MPP7: variants seen among roughly 807,000 people sequenced by gnomAD.
MPP7 encodes MAGUK p55 scaffold protein 7.
Under a neutral mutation model 76.5 loss-of-function variants are expected in MPP7, and 60 were observed. That is an observed-to-expected ratio of 0.78 (90% CI 0.64 to 0.97). MPP7 has a LOEUF of 0.97. Ranked by LOEUF, MPP7 falls within the 50% of genes least tolerant of loss-of-function variation. The probability of loss-of-function intolerance (pLI) is 0.00; values close to 1 mark genes in which losing one functional copy is unlikely to be tolerated. For missense variants in MPP7, 641 were observed against 694.0 expected, an observed-to-expected ratio of 0.92 and a Z score of 0.86; for synonymous variants, 237 against 244.5, an observed-to-expected ratio of 0.97 and a Z score of 0.29.
At chr10:28,118,893 T>C (rs1044684775) in intron 11 of MPP7, 1 of 985,312 alleles carries the variant, frequency 1.0e-6, no homozygotes, top group Non-Finnish European at 1.2e-6. Context: ...TATTTGGTCA[T>C]TTCGCTGTTT....
intron 15 of MPP7, 59 bp downstream of exon 15, chr10:28,058,436 A>G (rs1195400397): frequency 7.0e-6 from 6 of 857,950 alleles, no homozygotes; most frequent in Admixed American, 5.1e-5. Flanking sequence ...AAATGCTCAC[A>G]TGAGGTGCTG....
intron 2 of MPP7, among the ~76,000 whole-genome samples, chr10:28,212,750 T>C (rs564583231): frequency 2.0e-5 from 3 of 152,234 alleles, no homozygotes; most frequent in African/African-American, 7.2e-5. Context: ...CAAGGAAGAA[T>C]GAACCATCCA....
At chr10:28,235,269 C>A (rs1369222014) in intron 2 of MPP7, among the ~76,000 whole-genome samples, 2 of 152,010 alleles carry the variant, frequency 1.3e-5, no homozygotes, top group African/African-American at 4.8e-5. Flanking sequence ...TAATAATAAT[C>A]ATGTATCAAT....
At chr10:28,220,958 G>A (rs1053822546) in intron 2 of MPP7, among the ~76,000 whole-genome samples, 2 of 152,104 alleles carry the variant, frequency 1.3e-5, no homozygotes, top group Non-Finnish European at 2.9e-5. Context: ...TTAAGTGAAA[G>A]GAAGGCTCTT....
chr10:28,294,050 G>GT (rs1840983987), intron 1 of MPP7, among the ~76,000 whole-genome samples: 2 of 152,234 alleles, frequency 1.3e-5, no homozygotes, highest in Non-Finnish European at 2.9e-5. Context: ...GCTCACGCCT[G>GT]TAATACCAGC....
chr10:28,133,671 T>G (rs1026291590), intron 5 of MPP7, among the ~76,000 whole-genome samples: 1 of 152,110 alleles, frequency 6.6e-6, no homozygotes, highest in African/African-American at 2.4e-5. Context: ...AAAATGAATA[T>G]GCCCAAATAA....
chr10:28,127,459 G>A (rs66764206), intron 6 of MPP7, among the ~76,000 whole-genome samples: 12,407 of 152,214 alleles, frequency 0.082, 709 homozygotes, highest in African/African-American at 0.15. Context: ...TGAAAGGAAG[G>A]TTTAATGGAC....
At chr10:28,232,833 T>C (rs1838934532) in intron 2 of MPP7, among the ~76,000 whole-genome samples, 1 of 152,202 alleles carries the variant, frequency 6.6e-6, no homozygotes, top group African/African-American at 2.4e-5. Flanking sequence ...ATTTTTGACC[T>C]AGGTGGATGA....
intron 15 of MPP7, chr10:28,057,697 C>T: frequency 7.9e-7 from 1 of 1,258,408 alleles, no homozygotes; most frequent in Non-Finnish European, 1.0e-6. Context: ...AACACAGTGC[C>T]CAAGTCAGGA....
chr10:28,091,793 T>C (rs1376272159), intron 11 of MPP7, among the ~76,000 whole-genome samples: 1 of 152,210 alleles, frequency 6.6e-6, no homozygotes, highest in Non-Finnish European at 1.5e-5. Context: ...ATTGAGACTT[T>C]TGTCCTTGTC....
At chr10:28,233,835 G>C (rs1304170749) in intron 2 of MPP7, among the ~76,000 whole-genome samples, 1 of 151,652 alleles carries the variant, frequency 6.6e-6, no homozygotes, top group Non-Finnish European at 1.5e-5. Context: ...TCAGGAGTTT[G>C]AGACCAGCCT....
At chr10:28,165,689 C>G (rs970731415) in intron 3 of MPP7, among the ~76,000 whole-genome samples, 2 of 152,116 alleles carry the variant, frequency 1.3e-5, no homozygotes, top group Non-Finnish European at 2.9e-5. Flanking sequence ...TTGATAAGCA[C>G]TGACTCCTGT....
intron 2 of MPP7, among the ~76,000 whole-genome samples, chr10:28,218,778 A>AT (rs976256970): frequency 5.3e-5 from 8 of 152,054 alleles, no homozygotes; most frequent in African/African-American, 1.9e-4. Flanking sequence ...AAACACCAGA[A>AT]TTTTTTTTAA....
At chr10:28,330,498 G>A (rs1388689146) in intron 1 of MPP7, among the ~76,000 whole-genome samples, 1 of 152,106 alleles carries the variant, frequency 6.6e-6, no homozygotes, top group Non-Finnish European at 1.5e-5. Context: ...AAAAAAAGCA[G>A]GAAGAGACTG....
intron 2 of MPP7, among the ~76,000 whole-genome samples, chr10:28,231,465 A>T (rs532639621): frequency 2.4e-4 from 37 of 151,976 alleles, no homozygotes; most frequent in African/African-American, 8.7e-4. Context: ...TTTTATATCT[A>T]AAAAGACTAA....
rs80199950 is a variant in MPP7, at chr10:28,205,644, C to T, written c.38-3373G>A. ...CTCCTGTCCTCAGGAGTTGGCAGTG[C>T]AGCAGACAAGCACAGACAGGTCTAT... is the stretch of plus-strand genomic sequence containing the variant. On this transcript the variant is annotated intron_variant, in intron 2 of 16. Coordinates refer to ENST00000683449, the MANE Select transcript of MPP7 (RefSeq NM_001318170.2). Among the ~76,000 whole-genome samples, 665 of 152,246 alleles carry T rather than the reference C, an allele frequency of 4.4e-3. 5 individuals are homozygous for T. Among genetic ancestry groups the T allele is most frequent in the African/African-American group, 0.015 (608 of 41,546 alleles).
chr10:28,111,204 G>C (rs1183700971), intron 11 of MPP7, among the ~76,000 whole-genome samples: 1 of 148,388 alleles, frequency 6.7e-6, no homozygotes, highest in Non-Finnish European at 1.5e-5. Context: ...GCACCCAAAG[G>C]AAAAAAAAAA....
Position 28,059,589 on chromosome 10 carries a change from C to T in MPP7, c.1298+61G>A, listed in dbSNP as rs137970812. 2,136 of 993,364 alleles carry T rather than the reference C, an allele frequency of 2.2e-3. 80 individuals are homozygous for T. The East Asian group carries it at 0.049, about 23-fold the overall frequency. 61.5% of individuals were successfully genotyped at this position (993,364 alleles called of 1,614,324 possible). A position where few individuals can be genotyped will look rare whatever the true frequency, so the allele number is the denominator to read the frequency against. On this transcript the variant is annotated intron_variant, in intron 14 of 16. Transcript: ENST00000683449. ...ATGGAGAACTCTCAGTTGTCTAAAA[C>T]GGGACAGGCATGTGCTTATAAAAAA...
At chr10:28,191,745 G>T (rs1164759339) in intron 3 of MPP7, among the ~76,000 whole-genome samples, 1 of 152,166 alleles carries the variant, frequency 6.6e-6, no homozygotes, top group Non-Finnish European at 1.5e-5. Flanking sequence ...GCAAAATCTA[G>T]TTAAACATTC....
Sources: gnomAD v4.1 joint callset for allele counts (sites outside exome capture counted in the v4.1 genomes callset) on GRCh38, gnomAD v4.1.1 for gene constraint, MANE v1.5 for transcripts, NCBI Gene and HGNC (gene_info 2026-07-23, HGNC 2026-07-21) for gene names.